The following CTNNA3 variants were observed in gnomAD, a reference collection of about 807,000 sequenced individuals.
CTNNA3 encodes the protein catenin alpha 3, also known as catenin alpha-3.
In CTNNA3, 76 loss-of-function variants were observed where a neutral mutation model predicts 95.7. The ratio of observed to expected loss-of-function variants is 0.79; its 90% CI spans 0.66 to 0.96. The LOEUF (loss-of-function observed/expected upper bound fraction) is 0.96. CTNNA3 is among the 40% of genes least tolerant of loss of function. The probability of loss-of-function intolerance (pLI) is 0.00; values close to 1 mark genes in which losing one functional copy is unlikely to be tolerated. For synonymous variants in CTNNA3, 431 were observed against 374.4 expected (o/e 1.15, Z -1.74); for missense variants, 1,191 against 1,089.8 (o/e 1.09, Z -1.31).
chr10:66,580,963 A>G (rs1843165768), intron 10 of CTNNA3, among the ~76,000 whole-genome samples: 1 of 151,748 alleles, frequency 6.6e-6, no homozygotes, highest in Admixed American at 6.6e-5. Flanking sequence ...GCATACCCAT[A>G]GCTTAGCTCC....
chr10:66,499,823 A>G (rs1050712544), intron 11 of CTNNA3, among the ~76,000 whole-genome samples: 1,296 of 86,924 alleles, frequency 0.015, 24 homozygotes, highest in African/African-American at 0.046. Flanking sequence ...TTTTTTTTTT[A>G]ACAGAGTATC....
intron 12 of CTNNA3, among the ~76,000 whole-genome samples, chr10:66,316,341 TG>T (rs2092099412): frequency 6.6e-6 from 1 of 152,128 alleles, no homozygotes; most frequent in African/African-American, 2.4e-5. Flanking sequence ...ACTTTTGCAC[TG>T]CATCATTTTA....
intron 7 of CTNNA3, among the ~76,000 whole-genome samples, chr10:67,011,663 T>C (rs1464280671): frequency 6.6e-6 from 1 of 152,196 alleles, no homozygotes; most frequent in Non-Finnish European, 1.5e-5. Flanking sequence ...ATGATGATAA[T>C]GATGACGATA....
intron 5 of CTNNA3, among the ~76,000 whole-genome samples, chr10:67,332,886 A>G (rs538792297): frequency 8.1e-4 from 124 of 152,286 alleles, no homozygotes; most frequent in South Asian, 4.6e-3. Flanking sequence ...GCTCCAAGCT[A>G]TAGCACGTGA....
At position 67,360,639 on chromosome 10, in the gene CTNNA3, T is replaced by C. The variant is rs530448996; in HGVS notation, c.580-140769A>G. Among the ~76,000 whole-genome samples, 8 of 152,222 alleles carry C rather than the reference T, an allele frequency of 5.3e-5. No individual in the cohort carries two copies. In the South Asian group the frequency reaches 1.7e-3, roughly 32 times the overall value. On this transcript the variant is annotated intron_variant, in intron 5 of 17. Transcript: ENST00000433211. Reference sequence around the variant, plus strand: ...TACGGGAAGCATAGCAGCTTCTGCTTCTGGGGAGGTCTCAGGGAGCTTCCA... The same window carrying C: ...TACGGGAAGCATAGCAGCTTCTGCTCCTGGGGAGGTCTCAGGGAGCTTCCA...
At chr10:67,226,684 T>G (rs1397600554) in intron 5 of CTNNA3, among the ~76,000 whole-genome samples, 1 of 152,154 alleles carries the variant, frequency 6.6e-6, no homozygotes, top group African/African-American at 2.4e-5. Flanking sequence ...TAAGAGAATT[T>G]ACCATTACCA....
At chr10:67,420,068 C>G (rs1470586600) in intron 5 of CTNNA3, among the ~76,000 whole-genome samples, 1 of 152,110 alleles carries the variant, frequency 6.6e-6, no homozygotes, top group Non-Finnish European at 1.5e-5. Flanking sequence ...GCAGGCTGGT[C>G]TCGAACTCCT....
At chr10:66,528,506 C>T (rs376873483) in intron 10 of CTNNA3, among the ~76,000 whole-genome samples, 6 of 152,078 alleles carry the variant, frequency 3.9e-5, no homozygotes, top group East Asian at 1.9e-4. Context: ...TTTGTACAGA[C>T]GCCTTCTAAG....
chr10:66,816,288 T>C (rs912726653), intron 7 of CTNNA3, among the ~76,000 whole-genome samples: 5 of 152,120 alleles, frequency 3.3e-5, no homozygotes, highest in African/African-American at 1.2e-4. Context: ...GCACAAAATA[T>C]GTAAGACATA....
intron 2 of CTNNA3, among the ~76,000 whole-genome samples, chr10:67,641,086 A>C (rs901040273): frequency 1.3e-5 from 2 of 152,244 alleles, no homozygotes; most frequent in African/African-American, 4.8e-5. Context: ...GAATGGGAGA[A>C]AATTTTTGCA....
chr10:67,058,886 G>A (rs1009305149), intron 7 of CTNNA3, among the ~76,000 whole-genome samples: 10 of 151,996 alleles, frequency 6.6e-5, no homozygotes, highest in African/African-American at 2.4e-4. Context: ...TACTTAGTAT[G>A]ACTACACCTG....
In CTNNA3 at chr10:66,691,291, C is replaced by T. The variant is rs527622058; in HGVS notation, c.1282-69507G>A. 2.9e-3 allele frequency among the ~76,000 whole-genome samples: 434 copies of T among 152,280 alleles called. 1 individual carries two copies. The highest frequency in any genetic ancestry group is 9.2e-3 in the African/African-American group (384 of 41,568). ...CTTTTCTGATGGGCTTAAAAAACGGCGCACCAGGAGATTATATCCCACACA... is the reference window on the plus strand; with the variant it reads ...CTTTTCTGATGGGCTTAAAAAACGGTGCACCAGGAGATTATATCCCACACA... On this transcript the variant is annotated intron_variant, in intron 9 of 17. Coordinates refer to ENST00000433211, the MANE Select transcript of CTNNA3 (RefSeq NM_013266.4).
At chr10:66,706,613 G>C (rs1848126497) in intron 9 of CTNNA3, among the ~76,000 whole-genome samples, 1 of 151,958 alleles carries the variant, frequency 6.6e-6, no homozygotes, top group Non-Finnish European at 1.5e-5. Flanking sequence ...TAAACTGATG[G>C]AAACAGGAAG....
chr10:66,649,884 A>G (rs950806523), intron 9 of CTNNA3, among the ~76,000 whole-genome samples: 3 of 152,214 alleles, frequency 2.0e-5, no homozygotes, highest in African/African-American at 7.2e-5. Context: ...CCTCCAGGTT[A>G]AGCCCCACAG....
chr10:66,181,602 A>C (rs1220008429), intron 13 of CTNNA3, among the ~76,000 whole-genome samples: 2 of 152,182 alleles, frequency 1.3e-5, no homozygotes, highest in African/African-American at 4.8e-5. Context: ...AAGCCCCATT[A>C]TTATTAAAAA....
intron 13 of CTNNA3, among the ~76,000 whole-genome samples, chr10:66,215,998 A>G (rs1479324457): frequency 6.6e-6 from 1 of 152,196 alleles, no homozygotes; most frequent in Non-Finnish European, 1.5e-5. Flanking sequence ...ACTTTCAGTT[A>G]TTTTATTACT....
At chr10:67,500,737 T>C (rs1455949434) in intron 5 of CTNNA3, among the ~76,000 whole-genome samples, 2 of 152,238 alleles carry the variant, frequency 1.3e-5, no homozygotes, top group Admixed American at 1.3e-4. Flanking sequence ...TATCAGAGAC[T>C]AGGATTGCAA....
chr10:67,541,251 T>A (rs972927372), intron 3 of CTNNA3, among the ~76,000 whole-genome samples: 1 of 151,952 alleles, frequency 6.6e-6, no homozygotes, highest in Admixed American at 6.6e-5. Flanking sequence ...CAAAATACAG[T>A]CATCCCATCA....
chr10:67,307,749 T>A (rs1387584673), intron 5 of CTNNA3, among the ~76,000 whole-genome samples: 1 of 152,154 alleles, frequency 6.6e-6, no homozygotes, highest in Non-Finnish European at 1.5e-5. Flanking sequence ...CAGACTGTGC[T>A]CCAAGCATCT....
Sources: allele counts gnomAD v4.1 joint callset (sites outside exome capture counted in the v4.1 genomes callset), GRCh38; gene constraint gnomAD v4.1.1; transcripts MANE v1.5; gene names NCBI Gene and HGNC (gene_info 2026-07-23, HGNC 2026-07-21).